The following DOK6 variants were observed in gnomAD, a reference collection of about 807,000 sequenced individuals.
DOK6 encodes the protein downstream of tyrosine kinase 6.
DOK6 carries 22 observed loss-of-function variants against 44.0 expected under a neutral mutation model. The ratio of observed to expected loss-of-function variants is 0.50; its 90% CI spans 0.36 to 0.71. The LOEUF is 0.71. Ranked by LOEUF, DOK6 falls within the 30% of genes least tolerant of loss-of-function variation. The probability of loss-of-function intolerance (pLI) is 0.00; values close to 1 mark genes in which losing one functional copy is unlikely to be tolerated. For missense variants in DOK6, 340 were observed against 416.4 expected (o/e 0.82, Z 1.60); for synonymous variants, 166 against 145.5 (o/e 1.14, Z -1.01).
At chr18:69,631,029 G>A (rs1248001770) in intron 3 of DOK6, among the ~76,000 whole-genome samples, 1 of 151,784 alleles carries the variant, frequency 6.6e-6, no homozygotes, top group African/African-American at 2.4e-5. Flanking sequence ...TATATTTCTT[G>A]TTGAATTAGG....
chr18:69,528,214 T>C (rs1981890877), intron 1 of DOK6, among the ~76,000 whole-genome samples: 1 of 149,058 alleles, frequency 6.7e-6, no homozygotes, highest in Non-Finnish European at 1.5e-5. Context: ...CTAAGATGCA[T>C]AGCGTTGCAT....
chr18:69,698,737 T>C, intron 5 of DOK6, 144 bp downstream of exon 5: 1 of 685,692 alleles, frequency 1.5e-6, no homozygotes, highest in Non-Finnish European at 2.2e-6. Context: ...ATACATAATT[T>C]CTTCAGATTC....
chr18:69,641,765 C>T (rs1175294107), intron 3 of DOK6, among the ~76,000 whole-genome samples: 1 of 152,182 alleles, frequency 6.6e-6, no homozygotes, highest in African/African-American at 2.4e-5. Context: ...GATATAGGAT[C>T]TACATTTCCC....
At chr18:69,449,712 T>C (rs993245245) in intron 1 of DOK6, among the ~76,000 whole-genome samples, 3 of 152,004 alleles carry the variant, frequency 2.0e-5, no homozygotes, top group African/African-American at 4.8e-5. Flanking sequence ...GATGGAGATC[T>C]GAGAACGGGC....
chr18:69,565,299 G>A (rs986979722), intron 2 of DOK6, among the ~76,000 whole-genome samples: 1 of 151,874 alleles, frequency 6.6e-6, no homozygotes, highest in African/African-American at 2.4e-5. Flanking sequence ...AAGTTTTCCT[G>A]GATAATGTAA....
At chr18:69,610,559 A>G (rs1984114470) in intron 3 of DOK6, among the ~76,000 whole-genome samples, 1 of 152,204 alleles carries the variant, frequency 6.6e-6, no homozygotes, top group Admixed American at 6.5e-5. Flanking sequence ...ATTTCAATCA[A>G]ACTTAGTTCT....
chr18:69,426,295 T>G (rs1205672862), intron 1 of DOK6, among the ~76,000 whole-genome samples: 1 of 152,174 alleles, frequency 6.6e-6, no homozygotes, highest in Non-Finnish European at 1.5e-5. Context: ...TCCAGGATCT[T>G]CCTAATCCTT....
At chr18:69,687,958 A>G (rs1246841196) in intron 4 of DOK6, among the ~76,000 whole-genome samples, 1 of 152,232 alleles carries the variant, frequency 6.6e-6, no homozygotes, top group African/African-American at 2.4e-5. Flanking sequence ...ATTCTACCAG[A>G]AAGTAACTAT....
chr18:69,718,291 C>T (rs946467645), intron 5 of DOK6, among the ~76,000 whole-genome samples: 1 of 152,292 alleles, frequency 6.6e-6, no homozygotes, highest in African/African-American at 2.4e-5. Flanking sequence ...TCTCCTTTCT[C>T]TTTCTGTTGC....
rs146962114 is a variant in DOK6, at chr18:69,623,107, G to A, written c.289+23609G>A. Among the ~76,000 whole-genome samples, 24 of 152,242 alleles carry A rather than the reference G, an allele frequency of 1.6e-4. No individual in the cohort carries two copies. In the East Asian group the frequency reaches 2.5e-3, roughly 16 times the overall value. On this transcript the variant is annotated intron_variant, in intron 3 of 7. Coordinates refer to ENST00000382713, the MANE Select transcript of DOK6 (RefSeq NM_152721.6). The stretch of plus-strand genomic sequence containing the variant: ...CATGACAGAGTTCTCAGGAGATCTG[G>A]TTTGAAAGTGTGTAGGCCTTACCCC...
intron 1 of DOK6, among the ~76,000 whole-genome samples, chr18:69,432,958 G>A (rs1978849095): frequency 6.6e-6 from 1 of 152,070 alleles, no homozygotes; most frequent in Non-Finnish European, 1.5e-5. Context: ...AATAAATCAA[G>A]GCTTTGAGGT....
At chr18:69,618,972 A>G (rs1053309421) in intron 3 of DOK6, among the ~76,000 whole-genome samples, 2 of 152,252 alleles carry the variant, frequency 1.3e-5, no homozygotes, top group African/African-American at 2.4e-5. Context: ...CTAAAAAAAC[A>G]CACCCACACA....
chr18:69,655,761 C>CAAAAAAAAAAAAAAA (rs74175379), intron 3 of DOK6, among the ~76,000 whole-genome samples: 6 of 43,170 alleles, frequency 1.4e-4, no homozygotes, highest in African/African-American at 4.2e-4. Flanking sequence ...CCCCACCCCT[C>CAAAAAAAAAAAAAAA]AAAAAAAAAA....
intron 1 of DOK6, among the ~76,000 whole-genome samples, chr18:69,507,503 C>T (rs542790858): frequency 3.0e-4 from 45 of 152,188 alleles, no homozygotes; most frequent in African/African-American, 9.6e-4. Context: ...CTTACTGCTG[C>T]TGAGTCTTCT....
At chr18:69,821,059 T>A (rs1981553638) in intron 7 of DOK6, among the ~76,000 whole-genome samples, 1 of 152,164 alleles carries the variant, frequency 6.6e-6, no homozygotes, top group Non-Finnish European at 1.5e-5. Flanking sequence ...AAAAATTAAA[T>A]TTTTAAAAAA....
intron 1 of DOK6, among the ~76,000 whole-genome samples, chr18:69,497,016 T>G (rs1278887713): frequency 6.6e-6 from 1 of 152,228 alleles, no homozygotes; most frequent in Non-Finnish European, 1.5e-5. Context: ...AGCATATTAC[T>G]AATAAAATAT....
At chr18:69,484,378 T>C (rs1308233000) in intron 1 of DOK6, among the ~76,000 whole-genome samples, 1 of 152,202 alleles carries the variant, frequency 6.6e-6, no homozygotes, top group Non-Finnish European at 1.5e-5. Context: ...GATTTATTTT[T>C]GCTGATGGGA....
intron 1 of DOK6, among the ~76,000 whole-genome samples, chr18:69,445,004 T>C (rs1343136629): frequency 6.6e-6 from 1 of 152,188 alleles, no homozygotes; most frequent in Non-Finnish European, 1.5e-5. Flanking sequence ...CCTGCTTTAA[T>C]TTATTTTGGC....
intron 6 of DOK6, among the ~76,000 whole-genome samples, chr18:69,750,043 TTATA>T (rs537248216): frequency 2.0e-5 from 3 of 146,742 alleles, no homozygotes; most frequent in African/African-American, 7.4e-5. Flanking sequence ...AAAAGGCATT[TTATA>T]TATATATATA....
Sources: allele counts gnomAD v4.1 joint callset (sites outside exome capture counted in the v4.1 genomes callset), GRCh38; gene constraint gnomAD v4.1.1; transcripts MANE v1.5; gene names NCBI Gene and HGNC (gene_info 2026-07-23, HGNC 2026-07-21).